ARB2A: variants seen among roughly 807,000 people sequenced by gnomAD.
ARB2A encodes the protein ARB2 cotranscriptional regulator A.
the ARB2A span, among the ~76,000 whole-genome samples, chr5:94,068,019 C>A: frequency 6.6e-6 from 1 of 152,172 alleles, no homozygotes; most frequent in Non-Finnish European, 1.5e-5. Flanking sequence ...GTAATCCCAG[C>A]ACTTTGGGAG....
At chr5:93,739,754 A>G in the ARB2A span, 5 of 152,206 alleles carry the variant, frequency 3.3e-5, no homozygotes, top group African/African-American at 1.2e-4. Context: ...CAAAACCATT[A>G]TAAGAGATCA....
At chr5:94,000,152 G>GT in the ARB2A span, among the ~76,000 whole-genome samples, 1 of 152,078 alleles carries the variant, frequency 6.6e-6, no homozygotes. Flanking sequence ...TCATGTGGAC[G>GT]TAAGTTTCAA....
At chr5:93,962,235 T>A in the ARB2A span, among the ~76,000 whole-genome samples, 1 of 152,274 alleles carries the variant, frequency 6.6e-6, no homozygotes, top group African/African-American at 2.4e-5. Flanking sequence ...ATTTTAGCAG[T>A]CACCAATTCA....
the ARB2A span, among the ~76,000 whole-genome samples, chr5:94,011,339 C>T: frequency 6.6e-6 from 1 of 152,134 alleles, no homozygotes; most frequent in Non-Finnish European, 1.5e-5. Context: ...TTTTCCAAAG[C>T]ACTATTACCA....
At chr5:93,699,871 T>G in the ARB2A span, among the ~76,000 whole-genome samples, 2 of 150,816 alleles carry the variant, frequency 1.3e-5, no homozygotes, top group Non-Finnish European at 3.0e-5. Context: ...GGCCCAGAGG[T>G]CCATGTGGCT....
chr5:93,924,476 G>A, the ARB2A span, among the ~76,000 whole-genome samples: 3 of 152,206 alleles, frequency 2.0e-5, no homozygotes, highest in Non-Finnish European at 4.4e-5. Context: ...GTAAGACAGA[G>A]AATGGCAGAG....
the ARB2A span, among the ~76,000 whole-genome samples, chr5:93,674,160 G>C: frequency 6.6e-6 from 1 of 151,846 alleles, no homozygotes; most frequent in Admixed American, 6.6e-5. Flanking sequence ...AATTTGTAAA[G>C]TTTCAATTAA....
At chr5:93,640,574 ATGTG>A in the ARB2A span, among the ~76,000 whole-genome samples, 6,763 of 143,572 alleles carry the variant, frequency 0.047, 209 homozygotes, top group Middle Eastern at 0.12. Context: ...GTGTGTGTGT[ATGTG>A]TGTGTGTGTG....
the ARB2A span, among the ~76,000 whole-genome samples, chr5:93,905,308 A>C: frequency 1.4e-3 from 217 of 151,768 alleles, 1 homozygote; most frequent in South Asian, 7.9e-3. Flanking sequence ...GTAGTTAAAC[A>C]AATAAATTGT....
At chr5:93,912,025 A>G in the ARB2A span, among the ~76,000 whole-genome samples, 16 of 151,822 alleles carry the variant, frequency 1.1e-4, no homozygotes, top group Non-Finnish European at 2.2e-4. Context: ...AATAAAGTCG[A>G]AATGAAGAGA....
chr5:94,089,642 C>CACAA, the ARB2A span, among the ~76,000 whole-genome samples: 13 of 148,402 alleles, frequency 8.8e-5, no homozygotes, highest in Non-Finnish European at 1.8e-4. Context: ...CACACACACA[C>CACAA]TGCAGAGGGA....
At chr5:93,739,996 G>GAAAAAAAAAAAAAAAAAAA in the ARB2A span, 1 of 62,914 alleles carries the variant, frequency 1.6e-5, no homozygotes, top group Admixed American at 1.9e-4. Context: ...AGGTAAATCA[G>GAAAAAAAAAAAAAAAAAAA]AAAAAAAAAA....
At chr5:93,750,128 G>T in the ARB2A span, among the ~76,000 whole-genome samples, 3 of 152,136 alleles carry the variant, frequency 2.0e-5, no homozygotes, top group Admixed American at 6.5e-5. Flanking sequence ...TGTAATTCAA[G>T]AATAAATATT....
the ARB2A span, chr5:93,740,652 G>C: frequency 6.2e-7 from 1 of 1,613,964 alleles, no homozygotes; most frequent in Middle Eastern, 1.6e-4. Flanking sequence ...GACGTGTATA[G>C]TGGGGGATAT....
the ARB2A span, among the ~76,000 whole-genome samples, chr5:94,093,895 C>T: frequency 3.3e-5 from 5 of 152,140 alleles, no homozygotes; most frequent in African/African-American, 4.8e-5. Flanking sequence ...AAACAATAGA[C>T]ATTCCCATTC....
At chr5:93,665,415 T>C in the ARB2A span, among the ~76,000 whole-genome samples, 1 of 152,142 alleles carries the variant, frequency 6.6e-6, no homozygotes, top group Non-Finnish European at 1.5e-5. Flanking sequence ...CCTTAATTGA[T>C]AGGATTTGTC....
chr5:94,048,862 T>G, the ARB2A span, among the ~76,000 whole-genome samples: 1 of 152,162 alleles, frequency 6.6e-6, no homozygotes, highest in East Asian at 1.9e-4. Context: ...CAGTTGTCCT[T>G]GAAAAGATGA....
the ARB2A span, among the ~76,000 whole-genome samples, chr5:93,667,559 G>T: frequency 1.3e-5 from 2 of 152,118 alleles, no homozygotes; most frequent in African/African-American, 4.8e-5. Flanking sequence ...GGGTGCAAGT[G>T]ATCCTCCAGT....
At chr5:93,741,610 C>T in the ARB2A span, 3 of 1,453,616 alleles carry the variant, frequency 2.1e-6, no homozygotes, top group Non-Finnish European at 1.8e-6. Context: ...TGATGGCCCT[C>T]GAGGCTTCAG....
Sources: allele counts gnomAD v4.1 joint callset (sites outside exome capture counted in the v4.1 genomes callset), GRCh38; gene constraint gnomAD v4.1.1; transcripts MANE v1.5; gene names NCBI Gene and HGNC (gene_info 2026-07-23, HGNC 2026-07-21).